CCSER1: variants seen among roughly 807,000 people sequenced by gnomAD.
CCSER1 encodes coiled-coil serine rich protein 1.
A neutral mutation model predicts 82.0 loss-of-function variants in CCSER1; 41 were observed. The ratio of observed to expected loss-of-function variants is 0.50; its 90% confidence interval spans 0.39 to 0.65. The LOEUF is 0.65. Ranked by LOEUF, CCSER1 falls within the 30% of genes least tolerant of loss-of-function variation. CCSER1 has a pLI of 0.00. For synonymous variants in CCSER1, 414 were observed against 383.9 expected (o/e 1.08, Z -0.92); for missense variants, 1,119 against 1,064.2 (o/e 1.05, Z -0.72).
chr4:90,420,922 A>G (rs1756586524), intron 4 of CCSER1, among the ~76,000 whole-genome samples: 2 of 152,140 alleles, frequency 1.3e-5, no homozygotes, highest in Admixed American at 1.3e-4. Context: ...ATAAAATTTC[A>G]TGGCCTCTTA....
At chr4:91,250,805 A>C (rs2149145735) in intron 10 of CCSER1, among the ~76,000 whole-genome samples, 1 of 152,188 alleles carries the variant, frequency 6.6e-6, no homozygotes, top group South Asian at 2.1e-4. Context: ...CTTTTCTTCC[A>C]AAATCTCTAG....
At chr4:90,824,237 G>A (rs1390758279) in intron 8 of CCSER1, among the ~76,000 whole-genome samples, 1 of 152,006 alleles carries the variant, frequency 6.6e-6, no homozygotes, top group African/African-American at 2.4e-5. Flanking sequence ...GTGTAAGTAA[G>A]CATGTAAACA....
intron 10 of CCSER1, among the ~76,000 whole-genome samples, chr4:91,293,838 G>C (rs942196897): frequency 6.6e-6 from 1 of 151,926 alleles, no homozygotes; most frequent in South Asian, 2.1e-4. Flanking sequence ...TGGTCAGGCT[G>C]TCAAGTTTAA....
intron 1 of CCSER1, among the ~76,000 whole-genome samples, chr4:90,294,023 C>G (rs1417794834): frequency 6.6e-6 from 1 of 151,962 alleles, no homozygotes; most frequent in Non-Finnish European, 1.5e-5. Flanking sequence ...TCTTATGGCT[C>G]ACTGCCATTT....
At chr4:90,747,421 A>G (rs1178099267) in intron 7 of CCSER1, among the ~76,000 whole-genome samples, 2 of 152,200 alleles carry the variant, frequency 1.3e-5, no homozygotes, top group Non-Finnish European at 2.9e-5. Context: ...AACTATAGCA[A>G]CAAAATACCA....
chr4:91,550,703 T>C (rs1276602759), intron 10 of CCSER1, among the ~76,000 whole-genome samples: 1 of 152,186 alleles, frequency 6.6e-6, no homozygotes, highest in East Asian at 1.9e-4. Context: ...ATAATTTTGA[T>C]TTAGTGCCTG....
intron 7 of CCSER1, among the ~76,000 whole-genome samples, chr4:90,796,678 T>A (rs1264844150): frequency 6.6e-6 from 1 of 152,158 alleles, no homozygotes; most frequent in Non-Finnish European, 1.5e-5. Flanking sequence ...TTCTGGTACA[T>A]TGTGTCTTTT....
intron 10 of CCSER1, among the ~76,000 whole-genome samples, chr4:91,515,739 A>T (rs1400883864): frequency 6.6e-6 from 1 of 152,174 alleles, no homozygotes; most frequent in Non-Finnish European, 1.5e-5. Context: ...TGTTGGGTTG[A>T]AGGGTAATTC....
chr4:90,657,991 T>C (rs1730024660), intron 6 of CCSER1, among the ~76,000 whole-genome samples: 1 of 152,078 alleles, frequency 6.6e-6, no homozygotes, highest in South Asian at 2.1e-4. Flanking sequence ...TAATCTCAGC[T>C]ATGTCAGGAG....
At chr4:90,657,691 CAT>C (rs1162409553) in intron 6 of CCSER1, among the ~76,000 whole-genome samples, 2 of 152,180 alleles carry the variant, frequency 1.3e-5, no homozygotes, top group African/African-American at 4.8e-5. Flanking sequence ...TTTCAATTAT[CAT>C]ATGTTTTAGT....
At chr4:90,699,957 T>C (rs1009473368) in intron 6 of CCSER1, among the ~76,000 whole-genome samples, 1 of 151,652 alleles carries the variant, frequency 6.6e-6, no homozygotes, top group African/African-American at 2.4e-5. Flanking sequence ...AGATATTGAA[T>C]CTGCCAGTGC....
In CCSER1 at chr4:90,945,378, G is replaced by A. The variant is rs889319943; in HGVS notation, c.2172+21931G>A. Among the ~76,000 whole-genome samples, 3 of 151,990 alleles carry A rather than the reference G, an allele frequency of 2.0e-5. No individual in the cohort carries two copies. The East Asian group carries it at 5.8e-4, about 29-fold the overall frequency. On this transcript the variant is annotated intron_variant, in intron 9 of 10. Coordinates refer to ENST00000509176, the MANE Select transcript of CCSER1 (RefSeq NM_001145065.2). ...ATGGATCATGTTCCTTCTTTATTAT[G>A]TCTTTCTTTCAGTTATACTATAGAC...
intron 1 of CCSER1, among the ~76,000 whole-genome samples, chr4:90,257,548 G>C (rs528722793): frequency 3.3e-5 from 5 of 150,276 alleles, no homozygotes; most frequent in African/African-American, 5.0e-5. Flanking sequence ...TAGATAGATA[G>C]ATAGATAGAT....
intron 5 of CCSER1, among the ~76,000 whole-genome samples, chr4:90,531,197 A>T (rs1170717312): frequency 6.6e-6 from 1 of 152,034 alleles, no homozygotes; most frequent in African/African-American, 2.4e-5. Context: ...CACAGTAGAA[A>T]ATGAAAAACA....
At chr4:91,433,064 T>C (rs542678496) in intron 10 of CCSER1, among the ~76,000 whole-genome samples, 1 of 152,178 alleles carries the variant, frequency 6.6e-6, no homozygotes, top group South Asian at 2.1e-4. Context: ...AGTGATATAA[T>C]AATATATAAG....
intron 9 of CCSER1, among the ~76,000 whole-genome samples, chr4:90,972,871 T>C (rs1460609713): frequency 6.6e-6 from 1 of 151,786 alleles, no homozygotes; most frequent in East Asian, 1.9e-4. Context: ...TGTAGTCAAC[T>C]GATCTTTGAC....
chr4:90,632,321 T>C (rs573728105), intron 6 of CCSER1, among the ~76,000 whole-genome samples: 8 of 152,114 alleles, frequency 5.3e-5, no homozygotes, highest in Non-Finnish European at 1.2e-4. Flanking sequence ...GCATTACTTA[T>C]TATTCTACCT....
intron 10 of CCSER1, among the ~76,000 whole-genome samples, chr4:91,157,036 T>C (rs1186685114): frequency 6.6e-6 from 1 of 151,996 alleles, no homozygotes; most frequent in Non-Finnish European, 1.5e-5. Context: ...AATTGTTTAT[T>C]GTAGTGGATT....
At chr4:90,412,647 A>G (rs1374554164) in intron 4 of CCSER1, among the ~76,000 whole-genome samples, 6 of 152,166 alleles carry the variant, frequency 3.9e-5, no homozygotes, top group Non-Finnish European at 8.8e-5. Context: ...CAGAATTAAA[A>G]ACACATATCA....
Sources: gnomAD v4.1 joint callset for allele counts (sites outside exome capture counted in the v4.1 genomes callset) on GRCh38, gnomAD v4.1.1 for gene constraint, MANE v1.5 for transcripts, NCBI Gene and HGNC (gene_info 2026-07-23, HGNC 2026-07-21) for gene names.